Variants in NRXN3 observed in about 807,000 individuals in gnomAD.
NRXN3 encodes neurexin 3.
Under a neutral mutation model 137.6 loss-of-function variants are expected in NRXN3, and 32 were observed. That is an observed-to-expected ratio of 0.23 (90% CI 0.18 to 0.31). The LOEUF (loss-of-function observed/expected upper bound fraction) is 0.31, where lower values mean the gene tolerates loss of function less well. NRXN3 is among the 10% of genes least tolerant of loss of function. NRXN3 has a pLI of 1.00. For synonymous variants in NRXN3, 798 were observed against 784.5 expected (o/e 1.02, Z -0.29); for missense variants, 1,574 against 2,062.5 (o/e 0.76, Z 4.59).
chr14:78,628,196 C>T (rs2097485848), intron 4 of NRXN3, among the ~76,000 whole-genome samples: 2 of 151,900 alleles, frequency 1.3e-5, no homozygotes, highest in Non-Finnish European at 1.5e-5. Context: ...CCTCAGCCTC[C>T]CAAGTAGCTG....
intron 10 of NRXN3, among the ~76,000 whole-genome samples, chr14:78,840,483 T>G (rs953956563): frequency 6.6e-6 from 1 of 152,218 alleles, no homozygotes; most frequent in Non-Finnish European, 1.5e-5. Flanking sequence ...CAGAATAGGT[T>G]AGGCTGTGTT....
chr14:78,820,143 T>C (rs986756741), intron 10 of NRXN3, among the ~76,000 whole-genome samples: 1 of 151,908 alleles, frequency 6.6e-6, no homozygotes, highest in African/African-American at 2.4e-5. Flanking sequence ...ACCTAAATTC[T>C]TTATTCTTGT....
intron 1 of NRXN3, among the ~76,000 whole-genome samples, chr14:78,201,181 C>G (rs554919685): frequency 3.3e-5 from 5 of 152,346 alleles, no homozygotes; most frequent in Non-Finnish European, 5.9e-5. Flanking sequence ...ACTGAAGACT[C>G]TGGACCCTGA....
intron 15 of NRXN3, chr14:79,280,263 C>A (rs777250189): frequency 6.2e-7 from 1 of 1,612,522 alleles, no homozygotes; most frequent in South Asian, 1.1e-5. Flanking sequence ...ATTCAAACTG[C>A]CCATCTGTAG....
chr14:78,358,975 A>G (rs1270948338), intron 4 of NRXN3, among the ~76,000 whole-genome samples: 1 of 152,208 alleles, frequency 6.6e-6, no homozygotes, highest in African/African-American at 2.4e-5. Context: ...ATGGTAATAC[A>G]TGTATTTATT....
In NRXN3 at chr14:78,786,986, C is replaced by G. The variant is rs1394726647; in HGVS notation, c.2045-16634C>G. 2.0e-5 allele frequency among the ~76,000 whole-genome samples: 3 copies of G among 152,214 alleles called. No homozygotes were observed. The East Asian group carries it at 5.8e-4, about 29-fold the overall frequency. ...TCTAAATTTCTATGCAATTCAGAGA[C>G]AGTAATATGACAACTTCTATGGTTC... On this transcript the variant is annotated intron_variant, in intron 8 of 20. Transcript: ENST00000335750.
At chr14:79,264,371 G>C (rs1282217386) in intron 15 of NRXN3, among the ~76,000 whole-genome samples, 3 of 152,180 alleles carry the variant, frequency 2.0e-5, no homozygotes, top group African/African-American at 7.2e-5. Flanking sequence ...TTATAGGCAT[G>C]AGCCATCATG....
intron 6 of NRXN3, among the ~76,000 whole-genome samples, chr14:78,686,421 A>T (rs939431646): frequency 1.3e-5 from 2 of 152,318 alleles, no homozygotes; most frequent in South Asian, 4.1e-4. Flanking sequence ...TCACTCACAG[A>T]TGGAAATTGC....
chr14:78,727,057 A>G (rs1222102840), intron 8 of NRXN3, among the ~76,000 whole-genome samples: 1 of 151,980 alleles, frequency 6.6e-6, no homozygotes, highest in Non-Finnish European at 1.5e-5. Context: ...TCTACAATAG[A>G]CCTTCAGTTA....
At chr14:79,257,048 G>A (rs768818337) in intron 15 of NRXN3, among the ~76,000 whole-genome samples, 1 of 152,086 alleles carries the variant, frequency 6.6e-6, no homozygotes, top group Non-Finnish European at 1.5e-5. Flanking sequence ...TGATCCACCT[G>A]GGCATTAGGT....
At chr14:78,297,146 C>G (rs1228960733) in intron 3 of NRXN3, among the ~76,000 whole-genome samples, 2 of 152,126 alleles carry the variant, frequency 1.3e-5, no homozygotes, top group African/African-American at 2.4e-5. Context: ...AGTGTGGAGG[C>G]CTTTCTAGGA....
At chr14:79,341,208 T>C (rs146452522) in intron 15 of NRXN3, among the ~76,000 whole-genome samples, 1 of 152,158 alleles carries the variant, frequency 6.6e-6, no homozygotes, top group Non-Finnish European at 1.5e-5. Context: ...AACTACATTT[T>C]TAACATTTAC....
At chr14:78,631,742 T>C (rs1025368488) in intron 4 of NRXN3, among the ~76,000 whole-genome samples, 3 of 152,172 alleles carry the variant, frequency 2.0e-5, no homozygotes, top group Non-Finnish European at 2.9e-5. Context: ...TAGCTCTGAT[T>C]CTAGCTGTTT....
intron 4 of NRXN3, among the ~76,000 whole-genome samples, chr14:78,584,261 A>G (rs2097036058): frequency 6.6e-6 from 1 of 152,222 alleles, no homozygotes; most frequent in African/African-American, 2.4e-5. Flanking sequence ...AATTCATATA[A>G]GAGCCATACT....
chr14:79,489,417 C>T (rs902911519), intron 16 of NRXN3, among the ~76,000 whole-genome samples: 1 of 152,104 alleles, frequency 6.6e-6, no homozygotes, highest in East Asian at 1.9e-4. Context: ...GGGTGGGCCT[C>T]AAGGCACACC....
chr14:79,763,951 T>C (rs2099047551), intron 19 of NRXN3, among the ~76,000 whole-genome samples: 1 of 148,516 alleles, frequency 6.7e-6, no homozygotes, highest in South Asian at 2.1e-4. Flanking sequence ...TTCATTTGCT[T>C]TAAACAATTT....
chr14:78,259,328 A>G (rs559085978), intron 2 of NRXN3, among the ~76,000 whole-genome samples: 23 of 152,214 alleles, frequency 1.5e-4, no homozygotes, highest in Non-Finnish European at 2.8e-4. Flanking sequence ...GAAGTGACTT[A>G]CCCAAGATCA....
chr14:79,678,636 TAGTC>T (rs2098653486), intron 17 of NRXN3, among the ~76,000 whole-genome samples: 2 of 152,176 alleles, frequency 1.3e-5, no homozygotes, highest in African/African-American at 4.8e-5. Flanking sequence ...CCATCCCTGA[TAGTC>T]AGAAATAAAA....
chr14:79,135,480 A>G (rs1203607784), intron 15 of NRXN3, among the ~76,000 whole-genome samples: 1 of 152,178 alleles, frequency 6.6e-6, no homozygotes, highest in Non-Finnish European at 1.5e-5. Context: ...CCTGTCCTCT[A>G]TGGGCTTGCT....
Sources: allele counts gnomAD v4.1 joint callset (sites outside exome capture counted in the v4.1 genomes callset), GRCh38; gene constraint gnomAD v4.1.1; transcripts MANE v1.5; gene names NCBI Gene and HGNC (gene_info 2026-07-23, HGNC 2026-07-21).